MIB1: variants seen among roughly 807,000 people sequenced by gnomAD.
The protein encoded by MIB1 is MIB E3 ubiquitin protein ligase 1.
Under a neutral mutation model 124.5 loss-of-function variants are expected in MIB1, and 278 were observed. The observed-to-expected ratio is 2.23, with a 90% CI of 2.02 to 2.47. MIB1 has a LOEUF of 2.47. Ranked by LOEUF, MIB1 falls within the 30% of genes most tolerant of loss-of-function variation. The pLI, the probability that MIB1 is intolerant of heterozygous loss-of-function variation, is 0.00. For missense variants in MIB1, 957 were observed against 1,254.4 expected (o/e 0.76, Z 3.58); for synonymous variants, 446 against 429.4 (o/e 1.04, Z -0.48).
chr18:21,850,501 C>T (rs113587622), intron 17 of MIB1, among the ~76,000 whole-genome samples: 62 of 152,162 alleles, frequency 4.1e-4, no homozygotes, highest in African/African-American at 1.5e-3. Context: ...GTTGCCTTGC[C>T]CCTGCTTCTT....
chr18:21,793,635 G>C (rs908628064), intron 7 of MIB1, among the ~76,000 whole-genome samples: 7 of 151,624 alleles, frequency 4.6e-5, no homozygotes, highest in Non-Finnish European at 1.0e-4. Context: ...ACAAAAATTA[G>C]CCAGGTGTGG....
chr18:21,783,499 T>C (rs1024830870), intron 6 of MIB1, among the ~76,000 whole-genome samples: 5 of 152,114 alleles, frequency 3.3e-5, no homozygotes, highest in Non-Finnish European at 7.4e-5. Flanking sequence ...CGCCTCAGCC[T>C]CCCAAAGTAC....
chr18:21,818,993 T>C (rs192909906), intron 11 of MIB1, among the ~76,000 whole-genome samples: 304 of 152,274 alleles, frequency 2.0e-3, no homozygotes, highest in African/African-American at 7.0e-3. Flanking sequence ...GATTTGAGTA[T>C]GTCTTTCCTT....
Position 21,819,508 on chromosome 18 carries a change from A to AT in MIB1, c.1692dup (p.Thr565TyrfsTer5). 6.2e-7 allele frequency: 1 copy of AT among 1,600,708 alleles called. No homozygotes were observed. Among genetic ancestry groups the AT allele is most frequent in the Non-Finnish European group, 8.5e-7 (1 of 1,171,236 alleles). ...TTAAACTTAAAGGATTCTGAAGGTG[A>AT]TACCCCTCTTCATGATGCAATAAGT... On this transcript the variant is annotated frameshift_variant, in exon 12 of 21. Transcript: ENST00000261537. LOFTEE classifies it high-confidence loss of function.
At chr18:21,720,842 C>G (rs1473995860) in intron 1 of MIB1, among the ~76,000 whole-genome samples, 1 of 152,088 alleles carries the variant, frequency 6.6e-6, no homozygotes, top group African/African-American at 2.4e-5. Flanking sequence ...GTAGTCTTAG[C>G]TACTTGAGAG....
rs577031440 is a variant in MIB1, at chr18:21,856,058, G to A, written c.2666-1072G>A. Among the ~76,000 whole-genome samples the A allele has an allele frequency of 6.0e-5, 9 of 150,960 alleles. No homozygotes were observed. In the East Asian group the frequency reaches 9.8e-4, roughly 16 times the overall value. On this transcript the variant is annotated intron_variant, in intron 18 of 20. Coordinates refer to ENST00000261537, the MANE Select transcript of MIB1 (RefSeq NM_020774.4). ...ATCCTGGCTAACAAGGTGAAACCCC[G>A]TCTCTACTAAAAATACAAAAAATTA...
chr18:21,773,628 CAGAA>C lies in MIB1; in HGVS notation c.538_541del (p.Glu180SerfsTer35), dbSNP rs2041247093. 1.2e-6 allele frequency: 2 copies of C among 1,603,216 alleles called. No individual in the cohort carries two copies. Among genetic ancestry groups the C allele is most frequent in the African/African-American group, 2.7e-5 (2 of 74,242 alleles). ...TCTCAAAAACTATTCTGTTAGGTAA[CAGAA>C]ATCCAGGACTGGAGTGCATCAAGCC... On this transcript the variant is annotated frameshift_variant, in exon 4 of 21. Coordinates refer to ENST00000261537, the MANE Select transcript of MIB1 (RefSeq NM_020774.4). LOFTEE classifies it high-confidence loss of function.
intron 10 of MIB1, among the ~76,000 whole-genome samples, chr18:21,805,232 C>T (rs1033534039): frequency 6.6e-6 from 1 of 152,040 alleles, no homozygotes; most frequent in African/African-American, 2.4e-5. Flanking sequence ...GGGGTGGTCT[C>T]GAGCTCCTGA....
intron 1 of MIB1, among the ~76,000 whole-genome samples, chr18:21,731,857 A>G (rs117148343): frequency 0.016 from 2,420 of 152,096 alleles, 38 homozygotes; most frequent in East Asian, 0.068. Flanking sequence ...AAAAACGCAA[A>G]CTTTATTTCC....
At chr18:21,835,820 CACACACACACACACACACAA>C (rs1253708752) in intron 12 of MIB1, among the ~76,000 whole-genome samples, 4 of 50,692 alleles carry the variant, frequency 7.9e-5, no homozygotes, top group African/African-American at 2.4e-4. Flanking sequence ...CACACACACA[CACACACACACACACACACAA>C]ACACACACGA....
chr18:21,776,145 G>A (rs926218516), intron 4 of MIB1, among the ~76,000 whole-genome samples: 2 of 151,962 alleles, frequency 1.3e-5, no homozygotes, highest in Admixed American at 1.3e-4. Flanking sequence ...GTTTGCACCT[G>A]TAGTCGCAGT....
chr18:21,786,424 T>C (rs904653882), intron 6 of MIB1, among the ~76,000 whole-genome samples: 1 of 152,204 alleles, frequency 6.6e-6, no homozygotes, highest in Admixed American at 6.5e-5. Context: ...GGATTTAATT[T>C]GTTTGGTGAT....
At chr18:21,829,056 G>A in intron 12 of MIB1, 1 of 481,002 alleles carries the variant, frequency 2.1e-6, no homozygotes, top group Middle Eastern at 3.7e-4. Context: ...ATGTTCATAT[G>A]GGTACATAAA....
intron 10 of MIB1, chr18:21,812,441 G>A (rs2041785047): frequency 6.6e-6 from 1 of 152,204 alleles, no homozygotes; most frequent in South Asian, 2.1e-4. Flanking sequence ...AGAAAGTGAA[G>A]GGAGGTTGAG....
At chr18:21,815,477 C>T in intron 10 of MIB1, 139 bp from the exon 11 acceptor site, 1 of 726,594 alleles carries the variant, frequency 1.4e-6, no homozygotes, top group Non-Finnish European at 2.2e-6. Flanking sequence ...GCCACTGCAC[C>T]TGGTCAAGTT....
intron 10 of MIB1, among the ~76,000 whole-genome samples, chr18:21,813,942 T>C (rs2041801754): frequency 6.6e-6 from 1 of 152,150 alleles, no homozygotes; most frequent in Non-Finnish European, 1.5e-5. Context: ...TTGGAATAAA[T>C]GCAATACGCT....
intron 9 of MIB1, 125 bp from the exon 10 acceptor site, chr18:21,803,782 A>G (rs374537695): frequency 1.6e-5 from 10 of 631,988 alleles, no homozygotes; most frequent in Middle Eastern, 4.4e-4. Context: ...TGATATATGG[A>G]ACACCAACCT....
chr18:21,743,841 T>C (rs1389160290), intron 1 of MIB1, among the ~76,000 whole-genome samples: 2 of 152,224 alleles, frequency 1.3e-5, no homozygotes, highest in Non-Finnish European at 2.9e-5. Flanking sequence ...ATTAATGTTA[T>C]CTATATGTTT....
intron 1 of MIB1, among the ~76,000 whole-genome samples, chr18:21,721,517 A>T (rs1332888403): frequency 6.6e-6 from 1 of 152,042 alleles, no homozygotes; most frequent in Non-Finnish European, 1.5e-5. Flanking sequence ...ACTAAAACTT[A>T]TTTTTGTGAC....
Sources: gnomAD v4.1 joint callset for allele counts (sites outside exome capture counted in the v4.1 genomes callset) on GRCh38, gnomAD v4.1.1 for gene constraint, MANE v1.5 for transcripts, NCBI Gene and HGNC (gene_info 2026-07-23, HGNC 2026-07-21) for gene names.